RSRC2: variants seen among roughly 807,000 people sequenced by gnomAD.
RSRC2 encodes the protein arginine/serine-rich coiled-coil protein 2.
A neutral mutation model predicts 61.3 loss-of-function variants in RSRC2; 5 were observed. The observed-to-expected ratio is 0.08, with a 90% CI of 0.04 to 0.17. The LOEUF is 0.17. Among genes scored for constraint, RSRC2 ranks in the 10% least tolerant of loss-of-function variants. The pLI, the probability that RSRC2 is intolerant of heterozygous loss-of-function variation, is 1.00. For synonymous variants in RSRC2, 202 were observed against 166.5 expected, an observed-to-expected ratio of 1.21 and a Z score of -1.64; for missense variants, 381 against 518.8, an observed-to-expected ratio of 0.73 and a Z score of 2.58.
rs561139261 is a variant in RSRC2 at position 122,514,581 on chromosome 12, T to TTA, written c.725+523_725+524insTA. 73 of 915,704 alleles carry TTA rather than the reference T, an allele frequency of 8.0e-5. No individual in the cohort carries two copies. In the South Asian group the frequency reaches 2.4e-3, roughly 31 times the overall value. The allele number at this position is 915,704 out of a possible 1,614,324, so 56.7% of individuals were successfully genotyped here. ...GCACCCGGCCGAAACAGCAGAAAAT[T>TTA]AAAAAAAAAAAAAAAAAGTTCTCCC... On this transcript the variant is annotated intron_variant, in intron 6 of 9. Transcript: ENST00000331738.
At chr12:122,508,518 G>T (rs752216103) in intron 7 of RSRC2, 71 bp from the exon 8 acceptor site, 17 of 1,204,820 alleles carry the variant, frequency 1.4e-5, no homozygotes, top group Admixed American at 2.3e-5. Context: ...TTACATTAAC[G>T]AACGATTTAT....
chr12:122,513,196 AAAATAAATAAATAAATAAAT>A lies in RSRC2; in HGVS notation c.725+1889_725+1908del, dbSNP rs58751034. Among the ~76,000 whole-genome samples the A allele has an allele frequency of 1.5e-3, 200 of 129,930 alleles. 1 individual carries two copies. Among genetic ancestry groups the A allele is most frequent in the South Asian group, 7.5e-3 (30 of 3,998 alleles). 85.2% of individuals were successfully genotyped at this position (129,930 alleles called of 152,430 possible). On this transcript the variant is annotated intron_variant, in intron 6 of 9. Coordinates refer to ENST00000331738, the MANE Select transcript of RSRC2 (RefSeq NM_023012.6). ...GGCAACAGAGCAAGACTCCGTCTCA[AAAATAAATAAATAAATAAAT>A]AAATAAATAAATAAATAAATAAATA...
chr12:122,516,197 T>A (rs1005891147), intron 5 of RSRC2, among the ~76,000 whole-genome samples: 2 of 152,210 alleles, frequency 1.3e-5, no homozygotes, highest in Non-Finnish European at 2.9e-5. Flanking sequence ...CAATCTTTCA[T>A]ACACTGACCT....
chr12:122,509,304 G>C (rs12302877), intron 7 of RSRC2, among the ~76,000 whole-genome samples: 1 of 151,908 alleles, frequency 6.6e-6, no homozygotes, highest in Non-Finnish European at 1.5e-5. Context: ...AAAAAAATTA[G>C]CCAGGCGTGG....
intron 3 of RSRC2, 89 bp from the exon 4 acceptor site, chr12:122,519,118 A>G: frequency 2.0e-6 from 2 of 998,722 alleles, no homozygotes; most frequent in Admixed American, 1.9e-5. Flanking sequence ...GTTGTGATGC[A>G]ACATTAGTAA....
rs751112665 is a variant in RSRC2, at chr12:122,508,366, G to C, written c.887C>G (p.Ala296Gly). 1 of 1,614,172 alleles carries C rather than the reference G, an allele frequency of 6.2e-7. No homozygotes were observed. Among genetic ancestry groups the C allele is most frequent in the Non-Finnish European group, 8.5e-7 (1 of 1,180,040 alleles). Reference sequence around the variant, plus strand: ...AGCTTGCAGGGCTGCCATCTGAGCTGCCATGGCTATCTGAGGTGTTACTTG... The same window carrying C: ...AGCTTGCAGGGCTGCCATCTGAGCTCCCATGGCTATCTGAGGTGTTACTTG... ...GTQVTPQIAM[A>G]AQMAALQAKA... Residue 296 changes from alanine (A) to glycine (G), a missense_variant, in exon 8 of 10, where the codon GCA becomes GGA. Physicochemically the swap from Ala to Gly is moderately conservative, Grantham distance 60. Coordinates refer to ENST00000331738, the MANE Select transcript of RSRC2 (RefSeq NM_023012.6).
intron 5 of RSRC2, among the ~76,000 whole-genome samples, chr12:122,516,871 T>C (rs1958970070): frequency 6.6e-6 from 1 of 152,056 alleles, no homozygotes; most frequent in African/African-American, 2.4e-5. Context: ...TTTCATATCT[T>C]TTGTAGACAT....
At chr12:122,514,246 ATTTTTG>A (rs1958737638) in intron 6 of RSRC2, among the ~76,000 whole-genome samples, 1 of 140,752 alleles carries the variant, frequency 7.1e-6, no homozygotes, top group African/African-American at 2.6e-5. Context: ...CAGAAAATTT[ATTTTTG>A]TGTGTGTGTG....
intron 2 of RSRC2, among the ~76,000 whole-genome samples, chr12:122,521,687 C>A (rs1006027591): frequency 2.0e-5 from 3 of 152,196 alleles, no homozygotes; most frequent in African/African-American, 7.2e-5. Context: ...TACATATATT[C>A]TGACCAGCCC....
At chr12:122,509,834 G>GT (rs945011098) in intron 7 of RSRC2, among the ~76,000 whole-genome samples, 4 of 151,948 alleles carry the variant, frequency 2.6e-5, no homozygotes, top group African/African-American at 9.7e-5. Context: ...TTTGTTTTTT[G>GT]TTTTTGTTTT....
Position 122,518,917 on chromosome 12 carries a change from T to A in RSRC2, c.320A>T (p.Asn107Ile). 1 of 1,614,072 alleles carries A rather than the reference T, an allele frequency of 6.2e-7. No individual in the cohort carries two copies. The highest frequency in any genetic ancestry group is 8.5e-7 in the Non-Finnish European group (1 of 1,179,950). The change falls in exon 4 of 10, where the codon AAT becomes ATT. Residue 107 changes from asparagine to isoleucine, a missense_variant. Around this residue, in one of 4 missense-constraint regions of RSRC2, gnomAD observed 266 missense variants for 270.5 expected, o/e 0.98. Transcript: ENST00000331738. ...KGRERLNSSE[N>I]GEDRHKRKER... ...TTTGCGTTTGTGCCTGTCCTCACCA[T>A]TTTCAGATGAATTTAGTCGCTCTCT...
At chr12:122,521,363 T>C (rs200051681) in intron 3 of RSRC2, 22 bp downstream of exon 3, 10 of 1,582,536 alleles carry the variant, frequency 6.3e-6, no homozygotes, top group Non-Finnish European at 8.7e-6. Flanking sequence ...AAAGTACCTA[T>C]TCACTACAAA....
chr12:122,509,263 A>G (rs1958319305), intron 7 of RSRC2, among the ~76,000 whole-genome samples: 1 of 151,998 alleles, frequency 6.6e-6, no homozygotes, highest in Admixed American at 6.6e-5. Context: ...CCTGGCCAAC[A>G]TAGTGAAACC....
At chr12:122,519,201 T>C (rs1170757871) in intron 3 of RSRC2, 172 bp from the exon 4 acceptor site, 12 of 503,546 alleles carry the variant, frequency 2.4e-5, no homozygotes, top group Non-Finnish European at 4.2e-5. Flanking sequence ...GTAATTACTA[T>C]TTTTTTTACT....
At chr12:122,520,617 A>G (rs1959184474) in intron 3 of RSRC2, 1 of 1,309,002 alleles carries the variant, frequency 7.6e-7, no homozygotes, top group Non-Finnish European at 1.0e-6. Flanking sequence ...TTATCATGTG[A>G]GCTAAACAAA....
chr12:122,504,891 A>G lies in RSRC2; in HGVS notation c.*636T>C, dbSNP rs1046153729. On this transcript the variant is annotated 3_prime_UTR_variant, in exon 10 of 10. Coordinates refer to ENST00000331738, the MANE Select transcript of RSRC2 (RefSeq NM_023012.6). Reference sequence around the variant, plus strand: ...TAAGTTTTCTCCTTCCACCTTTTACATTTTTGCTCACCACGGTATTGACTG... The same window carrying G: ...TAAGTTTTCTCCTTCCACCTTTTACGTTTTTGCTCACCACGGTATTGACTG... 2 of 152,562 alleles carry G rather than the reference A, an allele frequency of 1.3e-5. No individual in the cohort carries two copies. Among genetic ancestry groups the G allele is most frequent in the African/African-American group, 4.8e-5 (2 of 41,436 alleles). The allele number at this position is 152,562 out of a possible 1,614,324, so 9.5% of individuals were successfully genotyped here.
intron 8 of RSRC2, 22 bp downstream of exon 8, chr12:122,508,196 A>G: frequency 6.3e-7 from 1 of 1,592,008 alleles, no homozygotes; most frequent in Non-Finnish European, 8.6e-7. Context: ...AAACGACAGA[A>G]AAGCAGAATA....
At chr12:122,512,815 T>C (rs933080627) in intron 6 of RSRC2, among the ~76,000 whole-genome samples, 26 of 152,128 alleles carry the variant, frequency 1.7e-4, no homozygotes, top group African/African-American at 6.3e-4. Flanking sequence ...TTCCCTTTTA[T>C]GAAGCACATA....
intron 7 of RSRC2, among the ~76,000 whole-genome samples, chr12:122,510,516 G>A (rs1423382348): frequency 6.6e-6 from 1 of 151,290 alleles, no homozygotes; most frequent in African/African-American, 2.5e-5. Context: ...GCGATGGAGC[G>A]AGACTCCGTA....
Sources: gnomAD v4.1 joint callset for allele counts (sites outside exome capture counted in the v4.1 genomes callset) on GRCh38, gnomAD v4.1.1 for gene constraint, gnomAD v4.1.1 regional missense constraint, MANE v1.5 for transcripts, NCBI Gene and HGNC (gene_info 2026-07-23, HGNC 2026-07-21) for gene names.